The following PLCB1 variants were observed in gnomAD, a reference collection of about 807,000 sequenced individuals.
The protein encoded by PLCB1 is phospholipase C beta 1, also known as 1-phosphatidylinositol 4,5-bisphosphate phosphodiesterase beta-1.
A neutral mutation model predicts 161.8 loss-of-function variants in PLCB1; 46 were observed. The ratio of observed to expected loss-of-function variants is 0.28; its 90% confidence interval spans 0.22 to 0.36. PLCB1 has a LOEUF of 0.36. Among genes scored for constraint, PLCB1 ranks in the 10% least tolerant of loss-of-function variants. The probability of loss-of-function intolerance (pLI) is 1.00; values close to 1 mark genes in which losing one functional copy is unlikely to be tolerated. For missense variants in PLCB1, 1,016 were observed against 1,472.5 expected, an observed-to-expected ratio of 0.69 and a Z score of 5.07; for synonymous variants, 517 against 503.7, an observed-to-expected ratio of 1.03 and a Z score of -0.35.
chr20:8,256,149 A>G (rs1414058935), intron 2 of PLCB1, among the ~76,000 whole-genome samples: 1 of 152,136 alleles, frequency 6.6e-6, no homozygotes, highest in Non-Finnish European at 1.5e-5. Flanking sequence ...CCCCTCATTA[A>G]GTGATGCATG....
chr20:8,273,309 A>G (rs1184376657), intron 2 of PLCB1, among the ~76,000 whole-genome samples: 2 of 152,168 alleles, frequency 1.3e-5, no homozygotes, highest in East Asian at 3.8e-4. Flanking sequence ...ATATTAACCA[A>G]CAATAACTTC....
chr20:8,604,010 T>C (rs752941386), intron 3 of PLCB1, among the ~76,000 whole-genome samples: 2 of 152,172 alleles, frequency 1.3e-5, no homozygotes, highest in Non-Finnish European at 2.9e-5. Context: ...CCCAGCACTT[T>C]GGAAGGCTGA....
intron 26 of PLCB1, among the ~76,000 whole-genome samples, chr20:8,770,560 AGTTT>A (rs1184809058): frequency 1.3e-5 from 2 of 152,184 alleles, no homozygotes; most frequent in African/African-American, 4.8e-5. Flanking sequence ...TGTTCAGAGC[AGTTT>A]GTTTTTATAC....
chr20:8,699,840 CCTTCA>C (rs2123432673), intron 11 of PLCB1, among the ~76,000 whole-genome samples: 1 of 152,180 alleles, frequency 6.6e-6, no homozygotes, highest in South Asian at 2.1e-4. Context: ...AAAATAGCAC[CCTTCA>C]CTTAAATTTT....
chr20:8,428,912 T>C (rs1376959975), intron 3 of PLCB1, among the ~76,000 whole-genome samples: 2 of 152,248 alleles, frequency 1.3e-5, no homozygotes, highest in Non-Finnish European at 2.9e-5. Context: ...GTTTGAATGC[T>C]ATCCCATGGC....
chr20:8,159,200 T>C (rs1434319278), intron 2 of PLCB1, among the ~76,000 whole-genome samples: 4 of 152,104 alleles, frequency 2.6e-5, no homozygotes, highest in Admixed American at 6.5e-5. Context: ...TAGGCAGAGG[T>C]TCCCAAACCT....
At chr20:8,660,398 A>G (rs1989589416) in intron 9 of PLCB1, among the ~76,000 whole-genome samples, 1 of 152,182 alleles carries the variant, frequency 6.6e-6, no homozygotes, top group Non-Finnish European at 1.5e-5. Context: ...GTTATAACAA[A>G]TCCAACAACA....
intron 31 of PLCB1, among the ~76,000 whole-genome samples, chr20:8,840,775 T>C (rs1986472398): frequency 6.6e-6 from 1 of 152,146 alleles, no homozygotes; most frequent in Non-Finnish European, 1.5e-5. Flanking sequence ...CATATTGTAC[T>C]AAATCACTTC....
intron 3 of PLCB1, among the ~76,000 whole-genome samples, chr20:8,622,012 C>A (rs1049997908): frequency 3.3e-5 from 5 of 152,120 alleles, no homozygotes; most frequent in Non-Finnish European, 7.3e-5. Context: ...AGAGTCAGCA[C>A]TTTGGGAGGC....
At chr20:8,624,772 A>T (rs1988286922) in intron 3 of PLCB1, among the ~76,000 whole-genome samples, 1 of 152,228 alleles carries the variant, frequency 6.6e-6, no homozygotes, top group Non-Finnish European at 1.5e-5. Flanking sequence ...TGATTGAGAG[A>T]AAATGAATTT....
At chr20:8,773,090 G>A (rs1349192079) in intron 26 of PLCB1, among the ~76,000 whole-genome samples, 12 of 152,118 alleles carry the variant, frequency 7.9e-5, no homozygotes, top group South Asian at 2.1e-4. Context: ...AGAAAATTCC[G>A]CATCCCTTAT....
At chr20:8,683,273 C>T (rs1361658308) in intron 9 of PLCB1, among the ~76,000 whole-genome samples, 1 of 151,878 alleles carries the variant, frequency 6.6e-6, no homozygotes, top group Non-Finnish European at 1.5e-5. Context: ...CAGTAGTTAT[C>T]TCTGAAAGAA....
rs1979460998 is a variant in PLCB1 at position 8,718,568 on chromosome 20, C to A, written c.1513+720C>A. On this transcript the variant is annotated intron_variant, in intron 14 of 31. Transcript: ENST00000338037. ...ACTAACCTTTCTCCTGTGGTCACAT[C>A]TCCCTCTGACCACAGGCAGGAAATG... Among the ~76,000 whole-genome samples the A allele has an allele frequency of 1.3e-5, 2 of 152,198 alleles. 1 individual carries two copies. Among genetic ancestry groups the A allele is most frequent in the South Asian group, 4.1e-4 (2 of 4,834 alleles).
At chr20:8,425,923 G>A (rs1979750280) in intron 3 of PLCB1, among the ~76,000 whole-genome samples, 1 of 152,072 alleles carries the variant, frequency 6.6e-6, no homozygotes, top group Non-Finnish European at 1.5e-5. Context: ...CTTCTGTGCT[G>A]TTTTTGAAAC....
intron 24 of PLCB1, among the ~76,000 whole-genome samples, 181 bp from the exon 25 acceptor site, chr20:8,760,226 T>G (rs1384210182): frequency 6.6e-6 from 1 of 152,180 alleles, no homozygotes; most frequent in Non-Finnish European, 1.5e-5. Context: ...TTAATTAGGT[T>G]TGTCTCAAAG....
chr20:8,863,989 T>A (rs1272105574), intron 31 of PLCB1, among the ~76,000 whole-genome samples: 1 of 152,238 alleles, frequency 6.6e-6, no homozygotes, highest in Non-Finnish European at 1.5e-5. Flanking sequence ...CATGATTATC[T>A]TTTCTTATTC....
rs1471195630 is a variant in PLCB1 at position 8,582,990 on chromosome 20, A to AAG, written c.247-45303_247-45302insGA. ...GGTGACAGAGTGAGACTCCATCTCAAAAAAAAAAAAAAAGAAAAGGAAAAT... is the reference window on the plus strand; with the variant it reads ...GGTGACAGAGTGAGACTCCATCTCAAAGAAAAAAAAAAAAAGAAAAGGAAAAT... On this transcript the variant is annotated intron_variant, in intron 3 of 31. Coordinates refer to ENST00000338037, the MANE Select transcript of PLCB1 (RefSeq NM_015192.4). Among the ~76,000 whole-genome samples the AAG allele has an allele frequency of 4.8e-4, 72 of 148,456 alleles. 1 individual carries two copies. Among genetic ancestry groups the AAG allele is most frequent in the African/African-American group, 1.7e-3 (71 of 41,106 alleles).
Position 8,132,962 on chromosome 20 carries a change from A to G in PLCB1, c.99+212A>G, listed in dbSNP as rs2051308312. On this transcript the variant is annotated intron_variant, in intron 1 of 31. Transcript: ENST00000338037. This position sits in a 1 kb window ranked among gnomAD's most constrained non-coding sequence, Gnocchi z 5.2. ...GTTTCATCGGGCTTCAGTAGTTGCCATCCTTTCTGGGTCTGGCAGGCGCCC... is the reference window on the plus strand; with the variant it reads ...GTTTCATCGGGCTTCAGTAGTTGCCGTCCTTTCTGGGTCTGGCAGGCGCCC... 6.6e-6 allele frequency among the ~76,000 whole-genome samples: 1 copy of G among 152,102 alleles called. No individual in the cohort carries two copies. The highest frequency in any genetic ancestry group is 1.5e-5 in the Non-Finnish European group (1 of 68,010).
intron 2 of PLCB1, among the ~76,000 whole-genome samples, chr20:8,200,029 A>G (rs1228940454): frequency 6.6e-6 from 1 of 152,098 alleles, no homozygotes; most frequent in Non-Finnish European, 1.5e-5. Flanking sequence ...TGTTCTTGCC[A>G]CTGCATTTTA....
Sources: gnomAD v4.1 joint callset for allele counts (sites outside exome capture counted in the v4.1 genomes callset) on GRCh38, gnomAD v4.1.1 for gene constraint, Gnocchi (gnomAD v3.1) non-coding constraint, MANE v1.5 for transcripts, NCBI Gene and HGNC (gene_info 2026-07-23, HGNC 2026-07-21) for gene names.